PAK1: variants seen among roughly 807,000 people sequenced by gnomAD.
PAK1 encodes the protein serine/threonine-protein kinase PAK 1.
In PAK1, 29 loss-of-function variants were observed where a neutral mutation model predicts 67.4. That is an observed-to-expected ratio of 0.43 (90% CI 0.32 to 0.59). The LOEUF is 0.59. Ranked by LOEUF, PAK1 falls within the 20% of genes least tolerant of loss-of-function variation. PAK1 has a pLI of 0.07. For synonymous variants in PAK1, 223 were observed against 237.4 expected (o/e 0.94, Z 0.56); for missense variants, 337 against 670.7 (o/e 0.50, Z 5.50).
chr11:77,446,897 G>GAA (rs11420682), intron 1 of PAK1, among the ~76,000 whole-genome samples: 45 of 123,596 alleles, frequency 3.6e-4, no homozygotes, highest in African/African-American at 1.3e-3. Context: ...GTGACAAAAA[G>GAA]AAAAAAAAAA....
chr11:77,389,256 T>G (rs1157748289), intron 2 of PAK1, among the ~76,000 whole-genome samples: 1 of 152,266 alleles, frequency 6.6e-6, no homozygotes, highest in Non-Finnish European at 1.5e-5. Context: ...ATGGCACGGA[T>G]CAGAACTTCA....
At chr11:77,424,477 C>G (rs957740013) in intron 1 of PAK1, among the ~76,000 whole-genome samples, 1 of 152,164 alleles carries the variant, frequency 6.6e-6, no homozygotes, top group African/African-American at 2.4e-5. Flanking sequence ...AACAAATGTT[C>G]CACTATAAAA....
intron 1 of PAK1, among the ~76,000 whole-genome samples, chr11:77,399,687 G>A (rs533960564): frequency 8.6e-5 from 13 of 150,706 alleles, no homozygotes; most frequent in South Asian, 6.3e-4. Flanking sequence ...GTGAAACCCC[G>A]TCTCTACTAA....
chr11:77,514,354 G>A, the PAK1 span, among the ~76,000 whole-genome samples: 2 of 152,146 alleles, frequency 1.3e-5, no homozygotes, highest in South Asian at 2.1e-4. Flanking sequence ...AATTAGTCGG[G>A]TGTAGTGGCG....
At chr11:77,478,640 C>A (rs958587924), upstream of PAK1, among the ~76,000 whole-genome samples, 1 of 151,448 alleles carries the variant, frequency 6.6e-6, no homozygotes. Context: ...ATTAGCCGGG[C>A]GTGGTGGCAT....
At chr11:77,366,376 A>T (rs1464743552) in intron 5 of PAK1, among the ~76,000 whole-genome samples, 5 of 152,244 alleles carry the variant, frequency 3.3e-5, no homozygotes, top group Admixed American at 6.5e-5. Flanking sequence ...AATTGTATAA[A>T]GCAATTGTTA....
intron 1 of PAK1, among the ~76,000 whole-genome samples, chr11:77,417,354 T>C (rs1247560356): frequency 6.6e-6 from 1 of 152,174 alleles, no homozygotes; most frequent in Non-Finnish European, 1.5e-5. Flanking sequence ...GAAATGTAGA[T>C]TTCTAAGTAA....
At chr11:77,359,056 T>G (rs367629116) in intron 5 of PAK1, 39 bp from the exon 6 acceptor site, 113 of 1,598,308 alleles carry the variant, frequency 7.1e-5, no homozygotes, top group Non-Finnish European at 3.6e-5. Context: ...CTGGTCCAGC[T>G]GCCATGGAAC....
intron 2 of PAK1, among the ~76,000 whole-genome samples, chr11:77,384,440 A>G (rs1316444459): frequency 2.0e-5 from 3 of 152,246 alleles, no homozygotes; most frequent in Non-Finnish European, 4.4e-5. Flanking sequence ...ACTTATGTCT[A>G]CACAAAAACT....
chr11:77,360,716 G>C (rs1946666979), intron 5 of PAK1, among the ~76,000 whole-genome samples: 1 of 152,286 alleles, frequency 6.6e-6, no homozygotes, highest in African/African-American at 2.4e-5. Flanking sequence ...CTGTCAGAGA[G>C]AGAAAGGTCT....
chr11:77,366,903 C>A (rs925564158), intron 5 of PAK1, among the ~76,000 whole-genome samples: 1 of 152,186 alleles, frequency 6.6e-6, no homozygotes, highest in Admixed American at 6.5e-5. Flanking sequence ...ATGTTCATAA[C>A]TGCATTATTC....
At chr11:77,526,924 A>AG in the PAK1 span, among the ~76,000 whole-genome samples, 1 of 152,002 alleles carries the variant, frequency 6.6e-6, no homozygotes, top group African/African-American at 2.4e-5. Context: ...GCAAAAAAAA[A>AG]AAAAAGGGCT....
chr11:77,456,561 G>A (rs980163588), intron 1 of PAK1, among the ~76,000 whole-genome samples: 1 of 152,048 alleles, frequency 6.6e-6, no homozygotes, highest in African/African-American at 2.4e-5. Context: ...TGAGGGCAGG[G>A]CTATAAATTA....
chr11:77,368,484 C>A (rs968580331), intron 5 of PAK1, among the ~76,000 whole-genome samples: 1 of 151,916 alleles, frequency 6.6e-6, no homozygotes, highest in Non-Finnish European at 1.5e-5. Context: ...TATGCTCCAC[C>A]AAATTCAAAA....
intron 1 of PAK1, among the ~76,000 whole-genome samples, chr11:77,404,667 CCTT>C (rs761831291): frequency 9.8e-5 from 15 of 152,332 alleles, no homozygotes; most frequent in Admixed American, 6.5e-4. Context: ...TCCATTTTCT[CCTT>C]CTTCCTTCCA....
chr11:77,453,073 G>A (rs553997565), intron 1 of PAK1, among the ~76,000 whole-genome samples: 1 of 152,360 alleles, frequency 6.6e-6, no homozygotes, highest in Admixed American at 6.5e-5. Flanking sequence ...AGATTTTGGA[G>A]GCCAGGTGCG....
chr11:77,347,677 T>A (rs543683258), intron 9 of PAK1, among the ~76,000 whole-genome samples: 532 of 152,324 alleles, frequency 3.5e-3, no homozygotes, highest in Non-Finnish European at 5.3e-3. Context: ...CATTTACATA[T>A]GATTTTAATG....
At chr11:77,436,909 G>A (rs544700127) in intron 1 of PAK1, among the ~76,000 whole-genome samples, 15 of 152,234 alleles carry the variant, frequency 9.9e-5, no homozygotes, top group African/African-American at 2.9e-4. Context: ...ACTAAAATGC[G>A]CGACAGATGC....
intron 1 of PAK1, among the ~76,000 whole-genome samples, chr11:77,398,538 T>C (rs1315468276): frequency 6.6e-6 from 1 of 152,240 alleles, no homozygotes; most frequent in Non-Finnish European, 1.5e-5. Context: ...GGCTGAATAG[T>C]ACTCCATTGT....
Sources: allele counts gnomAD v4.1 joint callset (sites outside exome capture counted in the v4.1 genomes callset), GRCh38; gene constraint gnomAD v4.1.1; transcripts MANE v1.5; gene names NCBI Gene and HGNC (gene_info 2026-07-23, HGNC 2026-07-21).